The following DDHD1 variants were observed in gnomAD, a reference collection of about 807,000 sequenced individuals.
DDHD1 encodes the protein phospholipase DDHD1.
A neutral mutation model predicts 96.4 loss-of-function variants in DDHD1; 49 were observed. The ratio of observed to expected loss-of-function variants is 0.51; its 90% CI spans 0.40 to 0.64. DDHD1 has a LOEUF of 0.64. Ranked by LOEUF, DDHD1 falls within the 30% of genes least tolerant of loss-of-function variation. The pLI is 0.00. For missense variants in DDHD1, 1,106 were observed against 1,161.2 expected, an observed-to-expected ratio of 0.95 and a Z score of 0.69; for synonymous variants, 442 against 446.5, an observed-to-expected ratio of 0.99 and a Z score of 0.13.
At chr14:53,080,261 T>C (rs1885346244) in intron 4 of DDHD1, among the ~76,000 whole-genome samples, 1 of 152,092 alleles carries the variant, frequency 6.6e-6, no homozygotes, top group African/African-American at 2.4e-5. Flanking sequence ...TTTGGGAGGC[T>C]GAGGCAGAAG....
intron 4 of DDHD1, among the ~76,000 whole-genome samples, chr14:53,085,448 T>C (rs1885867082): frequency 6.6e-6 from 1 of 152,146 alleles, no homozygotes. Flanking sequence ...ACAGCAATAA[T>C]TGCTTTTCTT....
intron 2 of DDHD1, among the ~76,000 whole-genome samples, chr14:53,098,583 A>G (rs1040092807): frequency 2.0e-5 from 3 of 152,122 alleles, no homozygotes; most frequent in African/African-American, 7.2e-5. Context: ...AAAGTTAGAT[A>G]AATTTATAAA....
intron 1 of DDHD1, 84 bp downstream of exon 1, chr14:53,152,177 G>C: frequency 7.3e-7 from 1 of 1,366,900 alleles, no homozygotes; most frequent in Non-Finnish European, 9.8e-7. Context: ...CCCTCTTCGC[G>C]GCGACCAGTC....
intron 1 of DDHD1, among the ~76,000 whole-genome samples, chr14:53,113,687 C>A (rs1421069829): frequency 6.6e-6 from 1 of 152,200 alleles, no homozygotes; most frequent in Non-Finnish European, 1.5e-5. Context: ...AGGGACTGTG[C>A]TACCCAGCTG....
At chr14:53,121,836 A>G (rs1889014006) in intron 1 of DDHD1, among the ~76,000 whole-genome samples, 1 of 151,334 alleles carries the variant, frequency 6.6e-6, no homozygotes, top group South Asian at 2.1e-4. Flanking sequence ...AATCTAGATG[A>G]TGGGTTGATA....
chr14:53,140,654 A>C (rs1454268623), intron 1 of DDHD1, among the ~76,000 whole-genome samples: 1 of 152,242 alleles, frequency 6.6e-6, no homozygotes, highest in Non-Finnish European at 1.5e-5. Flanking sequence ...ATCCCAAAGA[A>C]GGCAGGAAAA....
In DDHD1 at chr14:53,053,521, T is replaced by A. The variant is rs531052299; in HGVS notation, c.2437+917A>T. 7.9e-5 allele frequency: 12 copies of A among 152,206 alleles called. No individual in the cohort carries two copies. The South Asian group carries it at 2.5e-3, about 32-fold the overall frequency. The allele number at this position is 152,206 out of a possible 1,614,324, so 9.4% of individuals were successfully genotyped here. On this transcript the variant is annotated intron_variant, in intron 11 of 12. Coordinates refer to ENST00000673822, the MANE Select transcript of DDHD1 (RefSeq NM_001160148.2). ...AAGAATTATTCAGCCTCTAGGAGTG[T>A]CACACCTGAACTTTCTAAGGATGGA...
At chr14:53,069,940 C>T (rs1377532024) in intron 6 of DDHD1, among the ~76,000 whole-genome samples, 1 of 152,140 alleles carries the variant, frequency 6.6e-6, no homozygotes, top group Non-Finnish European at 1.5e-5. Context: ...TCCCTTTGCC[C>T]CCCATTTATC....
chr14:53,095,168 T>C (rs1184396434), intron 2 of DDHD1, among the ~76,000 whole-genome samples: 1 of 152,182 alleles, frequency 6.6e-6, no homozygotes, highest in African/African-American at 2.4e-5. Context: ...GGTATATAGG[T>C]AGGAAAAATT....
At chr14:53,058,059 C>T (rs531200153) in intron 9 of DDHD1, among the ~76,000 whole-genome samples, 2 of 152,128 alleles carry the variant, frequency 1.3e-5, no homozygotes, top group African/African-American at 2.4e-5. Flanking sequence ...AGGCTAGTCT[C>T]GAACTTGAGC....
At chr14:53,072,848 T>C (rs142805617) in intron 5 of DDHD1, 145 bp from the exon 6 acceptor site, 2 of 459,210 alleles carry the variant, frequency 4.4e-6, no homozygotes, top group Admixed American at 7.1e-5. Flanking sequence ...CTCTAATGGA[T>C]CTTCCCTTCC....
At chr14:53,138,360 G>GTA (rs1890389360) in intron 1 of DDHD1, among the ~76,000 whole-genome samples, 1 of 152,158 alleles carries the variant, frequency 6.6e-6, no homozygotes, top group Non-Finnish European at 1.5e-5. Context: ...AGCCAAAATT[G>GTA]TGCCGCTGCA....
intron 4 of DDHD1, among the ~76,000 whole-genome samples, chr14:53,083,819 T>G (rs1011505817): frequency 1.1e-4 from 17 of 152,184 alleles, no homozygotes; most frequent in Non-Finnish European, 2.4e-4. Context: ...ATATGAATAT[T>G]TTCCATTGAT....
intron 4 of DDHD1, among the ~76,000 whole-genome samples, chr14:53,080,787 A>C (rs1885407309): frequency 7.8e-6 from 1 of 128,546 alleles, no homozygotes; most frequent in Non-Finnish European, 1.5e-5. Flanking sequence ...GTGGCTATTC[A>C]TAGGTGTGGT....
At chr14:53,101,191 TA>T (rs1887268361) in intron 2 of DDHD1, among the ~76,000 whole-genome samples, 1 of 152,176 alleles carries the variant, frequency 6.6e-6, no homozygotes, top group Non-Finnish European at 1.5e-5. Context: ...AAGATTATAA[TA>T]TTTTTTAGTC....
chr14:53,073,608 G>T, intron 5 of DDHD1, 133 bp downstream of exon 5: 1 of 646,830 alleles, frequency 1.5e-6, no homozygotes, highest in Non-Finnish European at 2.7e-6. Context: ...AACAAAGGGT[G>T]AGCATATCTC....
chr14:53,152,890 C>G lies in DDHD1; in HGVS notation c.209G>C (p.Gly70Ala). The change falls in exon 1 of 13, where the codon GGC (glycine) becomes GCC (alanine). Residue 70 changes from glycine to alanine, a missense_variant. Gly to Ala is a moderately conservative substitution (Grantham distance 60). Coordinates refer to ENST00000673822, the MANE Select transcript of DDHD1 (RefSeq NM_001160148.2). ...RGEPGLHLAP[G>A]TDDHNHHLAL... The stretch of plus-strand genomic sequence containing the variant: ...GAGGTGGTGGTTGTGGTCGTCGGTG[C>G]CCGGCGCCAAATGCAGCCCGGGTTC... 1 of 1,608,996 alleles carries G rather than the reference C, an allele frequency of 6.2e-7. No homozygotes were observed. Among genetic ancestry groups the G allele is most frequent in the Non-Finnish European group, 8.5e-7 (1 of 1,178,036 alleles).
Position 53,044,719 on chromosome 14 carries a change from C to A in DDHD1, c.*2049G>T, listed in dbSNP as rs1239218054. On this transcript the variant is annotated 3_prime_UTR_variant, in exon 13 of 13. Coordinates refer to ENST00000673822, the MANE Select transcript of DDHD1 (RefSeq NM_001160148.2). ...GTGAGTCACATACTTGGTCATGGAGCCTTGGAATTTTTTTTAAACATTAAA... is the reference window on the plus strand; with the variant it reads ...GTGAGTCACATACTTGGTCATGGAGACTTGGAATTTTTTTTAAACATTAAA... 1.3e-5 allele frequency: 2 copies of A among 152,036 alleles called. No individual in the cohort carries two copies. The highest frequency in any genetic ancestry group is 2.9e-5 in the Non-Finnish European group (2 of 68,016). The allele number at this position is 152,036 out of a possible 1,614,324, so 9.4% of individuals were successfully genotyped here.
At chr14:53,147,167 T>C (rs1804269037) in intron 1 of DDHD1, among the ~76,000 whole-genome samples, 1 of 152,168 alleles carries the variant, frequency 6.6e-6, no homozygotes, top group Admixed American at 6.5e-5. Context: ...TCTCAGAGGA[T>C]TCCTTGACCA....
Sources: gnomAD v4.1 joint callset for allele counts (sites outside exome capture counted in the v4.1 genomes callset) on GRCh38, gnomAD v4.1.1 for gene constraint, MANE v1.5 for transcripts, NCBI Gene and HGNC (gene_info 2026-07-23, HGNC 2026-07-21) for gene names.